Variants in ENTHD1 observed in about 807,000 individuals in gnomAD.
ENTHD1 encodes the protein ENTH domain containing 1.
A neutral mutation model predicts 39.1 loss-of-function variants in ENTHD1; 23 were observed. The ratio of observed to expected loss-of-function variants is 0.59; its 90% confidence interval spans 0.42 to 0.83. ENTHD1 has a LOEUF of 0.83. Among genes scored for constraint, ENTHD1 ranks in the 40% least tolerant of loss-of-function variants. The pLI is 0.00. For synonymous variants in ENTHD1, 230 were observed against 258.2 expected, an observed-to-expected ratio of 0.89 and a Z score of 1.05; for missense variants, 624 against 705.4, an observed-to-expected ratio of 0.88 and a Z score of 1.31.
At chr22:39,889,495 C>T (rs764772712) in intron 1 of ENTHD1, among the ~76,000 whole-genome samples, 2 of 152,136 alleles carry the variant, frequency 1.3e-5, no homozygotes, top group African/African-American at 2.4e-5. Flanking sequence ...CAAGCCCTGA[C>T]GAACATCCAG....
chr22:39,805,876 T>C (rs2065636554), intron 5 of ENTHD1, among the ~76,000 whole-genome samples: 3 of 152,264 alleles, frequency 2.0e-5, no homozygotes, highest in South Asian at 4.1e-4. Context: ...CTTGAAAATA[T>C]TGTGTCCACA....
intron 5 of ENTHD1, among the ~76,000 whole-genome samples, chr22:39,776,638 A>C (rs1045134057): frequency 6.6e-6 from 1 of 152,230 alleles, no homozygotes; most frequent in Non-Finnish European, 1.5e-5. Context: ...ATCAGGCTGC[A>C]AATTTAAATA....
rs200294131 is a variant in ENTHD1, at chr22:39,743,834, G to A, written c.1669C>T (p.Arg557Cys). 1.1e-5 allele frequency: 17 copies of A among 1,614,092 alleles called. 1 individual carries two copies. The African/African-American group carries it at 1.3e-4, about 13-fold the overall frequency. The change falls in exon 7 of 7, where the codon CGT (arginine) becomes TGT (cysteine). Residue 557 changes from arginine to cysteine, a missense_variant. Coordinates refer to ENST00000325157, the MANE Select transcript of ENTHD1 (RefSeq NM_152512.4). Reference protein sequence around the residue: ...SISVLLREVKRAIARLHEDLS... With the variant: ...SISVLLREVKCAIARLHEDLS... Reference sequence around the variant, plus strand: ...TCTTCATGTAATCTAGCGATCGCACGTTTTACCTCCCTTAAAAGAACACTA... The same window carrying A: ...TCTTCATGTAATCTAGCGATCGCACATTTTACCTCCCTTAAAAGAACACTA...
At chr22:39,803,615 A>G (rs1035223512) in intron 5 of ENTHD1, among the ~76,000 whole-genome samples, 2 of 152,152 alleles carry the variant, frequency 1.3e-5, no homozygotes, top group Admixed American at 6.5e-5. Flanking sequence ...CTTTCCTTCC[A>G]GAATTTTACT....
chr22:39,777,668 A>T (rs562749146), intron 5 of ENTHD1, among the ~76,000 whole-genome samples: 1 of 152,296 alleles, frequency 6.6e-6, no homozygotes, highest in South Asian at 2.1e-4. Flanking sequence ...TTTTTAAAAA[A>T]ATAAGTGGGT....
intron 5 of ENTHD1, among the ~76,000 whole-genome samples, chr22:39,807,633 T>C (rs1432572457): frequency 6.6e-6 from 1 of 151,770 alleles, no homozygotes; most frequent in Non-Finnish European, 1.5e-5. Context: ...TTGTTCATGC[T>C]GCCTGAGATT....
At chr22:39,888,852 T>C (rs956267643) in intron 1 of ENTHD1, among the ~76,000 whole-genome samples, 1 of 152,220 alleles carries the variant, frequency 6.6e-6, no homozygotes, top group South Asian at 2.1e-4. Context: ...ATTTCAGGCA[T>C]CTCTTTATAT....
intron 3 of ENTHD1, among the ~76,000 whole-genome samples, chr22:39,857,394 G>T (rs1185215007): frequency 7.6e-6 from 1 of 132,130 alleles, no homozygotes. Flanking sequence ...AGTGAGCCGA[G>T]ATGGTGCCAT....
At chr22:39,833,065 C>T (rs2146671635) in intron 4 of ENTHD1, among the ~76,000 whole-genome samples, 1 of 152,164 alleles carries the variant, frequency 6.6e-6, no homozygotes, top group Admixed American at 6.5e-5. Context: ...TCTTCCTGTC[C>T]CCCAGGTGGG....
chr22:39,856,010 A>G (rs1021267148), intron 3 of ENTHD1, among the ~76,000 whole-genome samples: 18 of 152,084 alleles, frequency 1.2e-4, no homozygotes, highest in Admixed American at 2.0e-4. Flanking sequence ...GCGGTGGCTC[A>G]ACGCCTGTAA....
intron 5 of ENTHD1, among the ~76,000 whole-genome samples, chr22:39,787,303 A>G (rs2065467176): frequency 6.6e-6 from 1 of 152,142 alleles, no homozygotes; most frequent in Non-Finnish European, 1.5e-5. Context: ...CCTGAGACAC[A>G]ACAGTATTGA....
chr22:39,763,441 T>C (rs531590590), intron 6 of ENTHD1, among the ~76,000 whole-genome samples: 25 of 152,266 alleles, frequency 1.6e-4, no homozygotes, highest in Non-Finnish European at 2.8e-4. Context: ...CCTGACACCT[T>C]GAAAGCTCAA....
intron 5 of ENTHD1, among the ~76,000 whole-genome samples, chr22:39,767,588 A>C (rs1298767297): frequency 6.6e-6 from 1 of 152,266 alleles, no homozygotes; most frequent in Non-Finnish European, 1.5e-5. Context: ...TCATTCATTA[A>C]AAGTGAATTT....
Position 39,861,832 on chromosome 22 carries a change from G to C in ENTHD1, c.525C>G (p.Pro175=). The part of the protein sequence containing the change: ...SNSLTACTSA[P]TPDISASEKK... ...TCTCTGAAGCAGAAATATCCGGTGT[G>C]GGGGCAGAAGTGCACGCTGTCAGTG... is the stretch of plus-strand genomic sequence containing the variant. Residue 175 remains proline (P), a synonymous_variant, in exon 3 of 7, where the codon CCC becomes CCG. Coordinates refer to ENST00000325157, the MANE Select transcript of ENTHD1 (RefSeq NM_152512.4). 2.5e-6 allele frequency: 4 copies of C among 1,597,946 alleles called. No individual in the cohort carries two copies. The highest frequency in any genetic ancestry group is 3.4e-6 in the Non-Finnish European group (4 of 1,169,658).
intron 5 of ENTHD1, among the ~76,000 whole-genome samples, chr22:39,767,998 C>T (rs1242072097): frequency 6.6e-6 from 1 of 152,092 alleles, no homozygotes; most frequent in Non-Finnish European, 1.5e-5. Flanking sequence ...GAATCAAATA[C>T]TATGACCTAG....
intron 5 of ENTHD1, among the ~76,000 whole-genome samples, chr22:39,788,194 T>A (rs1024011226): frequency 6.6e-6 from 1 of 152,216 alleles, no homozygotes; most frequent in African/African-American, 2.4e-5. Flanking sequence ...ATTCCTCTTA[T>A]GGATCTGGGC....
At chr22:39,875,437 C>T in intron 2 of ENTHD1, 18 of 1,515,164 alleles carry the variant, frequency 1.2e-5, no homozygotes, top group Non-Finnish European at 1.6e-5. Flanking sequence ...AGCGGCCCTT[C>T]CTCAGCCGGG....
chr22:39,841,833 G>A (rs1335843629), intron 3 of ENTHD1, among the ~76,000 whole-genome samples: 3 of 152,088 alleles, frequency 2.0e-5, no homozygotes, highest in Admixed American at 6.5e-5. Context: ...TCCTAGTCTC[G>A]ATGATCTTTA....
chr22:39,801,129 CAAGTTTATAGGTAG>C (rs1458103294), intron 5 of ENTHD1, among the ~76,000 whole-genome samples: 2 of 152,148 alleles, frequency 1.3e-5, no homozygotes, highest in Non-Finnish European at 2.9e-5. Context: ...TAAGCTGTTC[CAAGTTTATAGGTAG>C]CAAAGCAATG....
Sources: allele counts gnomAD v4.1 joint callset (sites outside exome capture counted in the v4.1 genomes callset), GRCh38; gene constraint gnomAD v4.1.1; transcripts MANE v1.5; gene names NCBI Gene and HGNC (gene_info 2026-07-23, HGNC 2026-07-21).